The following SPATA16 variants were observed in gnomAD, a reference collection of about 807,000 sequenced individuals.
SPATA16 encodes spermatogenesis-associated protein 16.
Under a neutral mutation model 63.3 loss-of-function variants are expected in SPATA16, and 36 were observed. The observed-to-expected ratio is 0.57, with a 90% CI of 0.44 to 0.75. The LOEUF is 0.75. Ranked by LOEUF, SPATA16 falls within the 30% of genes least tolerant of loss-of-function variation. The pLI is 0.00. For missense variants in SPATA16, 646 were observed against 679.3 expected (o/e 0.95, Z 0.54); for synonymous variants, 203 against 216.7 (o/e 0.94, Z 0.56).
intron 2 of SPATA16, among the ~76,000 whole-genome samples, chr3:173,068,541 G>A (rs543393256): frequency 6.6e-6 from 1 of 152,110 alleles, no homozygotes; most frequent in East Asian, 1.9e-4. Flanking sequence ...TACTACCAGA[G>A]ACAAACAATA....
chr3:173,075,634 A>G (rs1484066383), intron 2 of SPATA16, among the ~76,000 whole-genome samples: 2 of 152,190 alleles, frequency 1.3e-5, no homozygotes, highest in Admixed American at 1.3e-4. Context: ...CAGGGATGGA[A>G]CGGGAAGACA....
At chr3:173,125,301 T>G (rs1012398720) in intron 1 of SPATA16, among the ~76,000 whole-genome samples, 7 of 152,152 alleles carry the variant, frequency 4.6e-5, no homozygotes, top group African/African-American at 1.4e-4. Flanking sequence ...AATACCCTCC[T>G]CCAGGGCCCA....
At chr3:173,088,389 G>A (rs1447263585) in intron 2 of SPATA16, among the ~76,000 whole-genome samples, 1 of 151,864 alleles carries the variant, frequency 6.6e-6, no homozygotes, top group East Asian at 1.9e-4. Flanking sequence ...GGTCGCCAAA[G>A]CATAGTTTTA....
At chr3:173,005,313 ACT>A (rs1450241576) in intron 4 of SPATA16, among the ~76,000 whole-genome samples, 1 of 140,200 alleles carries the variant, frequency 7.1e-6, no homozygotes. Context: ...ACAGAGCAAG[ACT>A]CTGTCTCAAA....
At chr3:173,060,155 G>T (rs1416594414) in intron 2 of SPATA16, among the ~76,000 whole-genome samples, 1 of 152,036 alleles carries the variant, frequency 6.6e-6, no homozygotes, top group Non-Finnish European at 1.5e-5. Context: ...TACTCGGGAG[G>T]CTGAGGCAGG....
intron 2 of SPATA16, among the ~76,000 whole-genome samples, chr3:173,089,806 C>G (rs1737176572): frequency 6.6e-6 from 1 of 152,180 alleles, no homozygotes; most frequent in Non-Finnish European, 1.5e-5. Flanking sequence ...ACTGCGGAAG[C>G]ACTACTCCTC....
intron 5 of SPATA16, among the ~76,000 whole-genome samples, chr3:172,976,328 A>T (rs1317968689): frequency 6.6e-6 from 1 of 152,080 alleles, no homozygotes; most frequent in Non-Finnish European, 1.5e-5. Flanking sequence ...TGTCAGCAGA[A>T]ACTTATTGAC....
At chr3:172,983,293 C>A (rs1195247635) in intron 4 of SPATA16, among the ~76,000 whole-genome samples, 1 of 151,946 alleles carries the variant, frequency 6.6e-6, no homozygotes, top group Admixed American at 6.6e-5. Context: ...AATTAATTAA[C>A]CCCAGTTGCT....
intron 6 of SPATA16, among the ~76,000 whole-genome samples, chr3:172,954,250 G>A (rs34737795): frequency 7.2e-5 from 11 of 152,168 alleles, no homozygotes; most frequent in Non-Finnish European, 1.2e-4. Context: ...AGAAAATCAC[G>A]CCTTACATGG....
chr3:173,087,823 T>G (rs568070852), intron 2 of SPATA16, among the ~76,000 whole-genome samples: 1 of 152,276 alleles, frequency 6.6e-6, no homozygotes, highest in Non-Finnish European at 1.5e-5. Flanking sequence ...ATGGAAATTC[T>G]TTGCTTTAAG....
At chr3:172,998,478 T>C (rs1262554198) in intron 4 of SPATA16, among the ~76,000 whole-genome samples, 1 of 152,126 alleles carries the variant, frequency 6.6e-6, no homozygotes, top group Non-Finnish European at 1.5e-5. Context: ...AATCATGTCA[T>C]TGGCAGACAA....
At chr3:173,111,025 A>G (rs1737738384) in intron 2 of SPATA16, among the ~76,000 whole-genome samples, 1 of 152,242 alleles carries the variant, frequency 6.6e-6, no homozygotes, top group Admixed American at 6.5e-5. Context: ...TGCACATTAC[A>G]GTATGAAAAG....
At chr3:173,113,066 A>G (rs1451263631) in intron 2 of SPATA16, among the ~76,000 whole-genome samples, 1 of 152,216 alleles carries the variant, frequency 6.6e-6, no homozygotes, top group Non-Finnish European at 1.5e-5. Context: ...TTCCTAATTT[A>G]TTAATCTTTT....
intron 8 of SPATA16, among the ~76,000 whole-genome samples, chr3:172,923,666 AAGAC>A (rs1732663913): frequency 6.6e-6 from 1 of 152,280 alleles, no homozygotes; most frequent in East Asian, 1.9e-4. Flanking sequence ...TGGGCTCTTT[AAGAC>A]TGAAAAGTAG....
intron 6 of SPATA16, among the ~76,000 whole-genome samples, chr3:172,935,565 C>T (rs543220037): frequency 1.3e-5 from 2 of 152,080 alleles, no homozygotes; most frequent in African/African-American, 4.8e-5. Context: ...ATAAGTCAGA[C>T]GTTAGAAGGA....
At chr3:173,122,127 C>T (rs1738091185) in intron 1 of SPATA16, among the ~76,000 whole-genome samples, 2 of 152,022 alleles carry the variant, frequency 1.3e-5, no homozygotes, top group Admixed American at 1.3e-4. Context: ...AGAAATATGC[C>T]TTTAAAAAAT....
intron 3 of SPATA16, among the ~76,000 whole-genome samples, chr3:173,019,922 A>G (rs1442680612): frequency 2.6e-5 from 4 of 152,044 alleles, no homozygotes; most frequent in Non-Finnish European, 5.9e-5. Flanking sequence ...TAAATCAGGG[A>G]AAAAGCAGGT....
At chr3:172,971,581 C>A (rs1384421325) in intron 5 of SPATA16, among the ~76,000 whole-genome samples, 1 of 152,154 alleles carries the variant, frequency 6.6e-6, no homozygotes, top group Non-Finnish European at 1.5e-5. Flanking sequence ...CAGGCAATGT[C>A]TATTTTGTTC....
chr3:173,022,140 G>A (rs1472659870), intron 3 of SPATA16, among the ~76,000 whole-genome samples: 1 of 152,070 alleles, frequency 6.6e-6, no homozygotes, highest in East Asian at 1.9e-4. Flanking sequence ...TGGTGAGGTT[G>A]ACACTATCGG....
Sources: gnomAD v4.1 joint callset for allele counts (sites outside exome capture counted in the v4.1 genomes callset) on GRCh38, gnomAD v4.1.1 for gene constraint, MANE v1.5 for transcripts, NCBI Gene and HGNC (gene_info 2026-07-23, HGNC 2026-07-21) for gene names.